Variants in DLG2 observed in about 807,000 individuals in gnomAD.
The protein encoded by DLG2 is disks large homolog 2.
In DLG2, 45 loss-of-function variants were observed where a neutral mutation model predicts 132.5. That is an observed-to-expected ratio of 0.34 (90% CI 0.27 to 0.44). The LOEUF (loss-of-function observed/expected upper bound fraction) is 0.44, where lower values mean the gene tolerates loss of function less well. DLG2 is among the 20% of genes least tolerant of loss of function. The pLI, the probability that DLG2 is intolerant of heterozygous loss-of-function variation, is 1.00. For missense variants in DLG2, 1,045 were observed against 1,196.9 expected (o/e 0.87, Z 1.87); for synonymous variants, 424 against 419.6 (o/e 1.01, Z -0.13).
Position 84,859,853 on chromosome 11 carries a change from T to G in DLG2, c.357+251808A>C, listed in dbSNP as rs540625267. Among the ~76,000 whole-genome samples the G allele has an allele frequency of 2.0e-5, 3 of 152,216 alleles. No homozygotes were observed. The South Asian group carries it at 6.2e-4, about 32-fold the overall frequency. On this transcript the variant is annotated intron_variant, in intron 6 of 27. Transcript: ENST00000376104. Reference sequence around the variant, plus strand: ...GCAAGTTTAAAAAAAATCAACTGTTTCACTTTCCTCTTAGAAAGTGCAAAC... The same window carrying G: ...GCAAGTTTAAAAAAAATCAACTGTTGCACTTTCCTCTTAGAAAGTGCAAAC...
intron 11 of DLG2, among the ~76,000 whole-genome samples, chr11:84,058,934 A>G (rs2096548030): frequency 6.6e-6 from 1 of 152,074 alleles, no homozygotes; most frequent in African/African-American, 2.4e-5. Flanking sequence ...TTATATTAGT[A>G]CAGATTATTT....
At chr11:85,121,913 TACACAC>T (rs1259072783) in intron 5 of DLG2, among the ~76,000 whole-genome samples, 1 of 152,186 alleles carries the variant, frequency 6.6e-6, no homozygotes. Context: ...AGTCTATATA[TACACAC>T]ACAGAAGTAC....
intron 8 of DLG2, among the ~76,000 whole-genome samples, chr11:84,173,112 C>T (rs2095861374): frequency 6.6e-6 from 1 of 151,960 alleles, no homozygotes; most frequent in Non-Finnish European, 1.5e-5. Context: ...ACAAAATTGT[C>T]TTGATTAAAG....
At chr11:84,721,804 C>CTGTT (rs2153798461) in intron 6 of DLG2, among the ~76,000 whole-genome samples, 1 of 152,278 alleles carries the variant, frequency 6.6e-6, no homozygotes, top group South Asian at 2.1e-4. Context: ...ATCCAAACCC[C>CTGTT]TGTTTGCTTA....
chr11:85,026,735 G>A (rs917879551), intron 6 of DLG2, among the ~76,000 whole-genome samples: 8 of 152,028 alleles, frequency 5.3e-5, no homozygotes, highest in African/African-American at 1.7e-4. Context: ...TACTCAGGAG[G>A]CTGAGGCAGA....
chr11:83,919,347 C>T (rs2077452602), intron 15 of DLG2, among the ~76,000 whole-genome samples: 1 of 152,134 alleles, frequency 6.6e-6, no homozygotes, highest in African/African-American at 2.4e-5. Flanking sequence ...AACGGGGCTA[C>T]TATCTGACCT....
rs567530018 is a variant in DLG2, at chr11:84,225,757, T to A, written c.573+25481A>T. 8.5e-5 allele frequency among the ~76,000 whole-genome samples: 13 copies of A among 152,232 alleles called. No homozygotes were observed. The East Asian group carries it at 2.1e-3, about 25-fold the overall frequency. ...TCTATATAGAGAAGGTACTCCAAAA[T>A]ATATTTCTTAAATAAATATATAACA... is the stretch of plus-strand genomic sequence containing the variant. On this transcript the variant is annotated intron_variant, in intron 8 of 27. Coordinates refer to ENST00000376104, the MANE Select transcript of DLG2 (RefSeq NM_001142699.3).
At chr11:83,992,365 G>A (rs181808835) in intron 11 of DLG2, among the ~76,000 whole-genome samples, 5 of 152,078 alleles carry the variant, frequency 3.3e-5, no homozygotes, top group African/African-American at 7.2e-5. Context: ...GAGCATATAG[G>A]TGGGCGGCCT....
intron 3 of DLG2, among the ~76,000 whole-genome samples, chr11:85,433,461 T>C (rs941675219): frequency 6.6e-6 from 1 of 152,002 alleles, no homozygotes; most frequent in Admixed American, 6.6e-5. Context: ...AATAAAGGGA[T>C]GGAGGAAAAT....
At chr11:84,502,203 C>CTCTCTCT (rs2099211204) in intron 7 of DLG2, among the ~76,000 whole-genome samples, 1 of 6,762 alleles carries the variant, frequency 1.5e-4, no homozygotes, top group Non-Finnish European at 2.5e-4. Flanking sequence ...TCTCTCTCTC[C>CTCTCTCT]TTCCTTCCTT....
intron 3 of DLG2, among the ~76,000 whole-genome samples, chr11:85,580,970 G>C (rs1197976629): frequency 6.6e-6 from 1 of 152,124 alleles, no homozygotes; most frequent in Non-Finnish European, 1.5e-5. Flanking sequence ...GACCTCAACA[G>C]ACTGTATCAT....
chr11:85,155,027 T>A (rs1180307131), intron 4 of DLG2, among the ~76,000 whole-genome samples: 1 of 152,186 alleles, frequency 6.6e-6, no homozygotes, highest in African/African-American at 2.4e-5. Context: ...CTATGGAAGC[T>A]ATTGGAGCTC....
intron 7 of DLG2, among the ~76,000 whole-genome samples, chr11:84,257,679 A>ATTTTTTTTTTTTTTTTTTTT (rs1172548999): frequency 9.4e-6 from 1 of 105,916 alleles, no homozygotes. Flanking sequence ...TTATCTCTGG[A>ATTTTTTTTTTTTTTTTTTTT]TTTTTTTTTT....
intron 6 of DLG2, among the ~76,000 whole-genome samples, chr11:84,586,590 G>A (rs1179949427): frequency 6.6e-6 from 1 of 152,028 alleles, no homozygotes; most frequent in Non-Finnish European, 1.5e-5. Context: ...TAACTGGCAA[G>A]TTTAATCTAT....
At chr11:83,863,584 G>C (rs899825104) in intron 16 of DLG2, among the ~76,000 whole-genome samples, 2 of 152,064 alleles carry the variant, frequency 1.3e-5, no homozygotes, top group African/African-American at 4.8e-5. Context: ...AGAGAGATCA[G>C]AGAGGGAACA....
In DLG2 at chr11:84,013,039, G is replaced by A. The variant is rs902407283; in HGVS notation, c.920-32397C>T. On this transcript the variant is annotated intron_variant, in intron 11 of 27. Coordinates refer to ENST00000376104, the MANE Select transcript of DLG2 (RefSeq NM_001142699.3). ...CCTATAAATGATGTCCCTTTAAATA[G>A]GTAGAACAACTACCTTTAGAAGGGA... Among the ~76,000 whole-genome samples, 4 of 152,068 alleles carry A rather than the reference G, an allele frequency of 2.6e-5. No homozygotes were observed. The South Asian group carries it at 8.3e-4, about 31-fold the overall frequency.
intron 16 of DLG2, among the ~76,000 whole-genome samples, chr11:83,854,661 A>G (rs2060240121): frequency 6.6e-6 from 1 of 152,308 alleles, no homozygotes; most frequent in East Asian, 1.9e-4. Context: ...ATACTGTAGG[A>G]GAAAATCTAG....
At chr11:84,897,337 T>C (rs910198654) in intron 6 of DLG2, among the ~76,000 whole-genome samples, 7 of 151,930 alleles carry the variant, frequency 4.6e-5, no homozygotes, top group Non-Finnish European at 8.8e-5. Context: ...CATACATTTA[T>C]GTTGTTTCTA....
intron 3 of DLG2, among the ~76,000 whole-genome samples, chr11:85,413,510 T>C (rs113592566): frequency 5.4e-4 from 82 of 152,188 alleles, no homozygotes; most frequent in African/African-American, 1.9e-3. Flanking sequence ...TTTTTGATGT[T>C]ATATTCTAGA....
Sources: allele counts gnomAD v4.1 joint callset (sites outside exome capture counted in the v4.1 genomes callset), GRCh38; gene constraint gnomAD v4.1.1; transcripts MANE v1.5; gene names NCBI Gene and HGNC (gene_info 2026-07-23, HGNC 2026-07-21).